Variants in IRF1 observed in about 807,000 individuals in gnomAD.
IRF1 encodes interferon regulatory factor 1, also known as interferon regulatory factor-1.
IRF1 carries 13 observed loss-of-function variants against 43.7 expected under a neutral mutation model. The observed-to-expected ratio is 0.30, with a 90% CI of 0.19 to 0.47. The LOEUF (loss-of-function observed/expected upper bound fraction) is 0.47. Among genes scored for constraint, IRF1 ranks in the 20% least tolerant of loss-of-function variants. IRF1 has a pLI of 0.99. For missense variants in IRF1, 236 were observed against 408.9 expected (o/e 0.58, Z 3.65); for synonymous variants, 138 against 146.8 (o/e 0.94, Z 0.43).
At chr5:132,485,828 G>GACACACAC (rs41498144) in intron 7 of IRF1, 112 bp from the exon 8 acceptor site, 55 of 555,752 alleles carry the variant, frequency 9.9e-5, no homozygotes, top group South Asian at 1.6e-4. Context: ...CTGTCTCTCT[G>GACACACAC]ACACACACAC....
intron 2 of IRF1, 184 bp downstream of exon 2, chr5:132,489,208 G>A: frequency 1.7e-6 from 1 of 571,996 alleles, no homozygotes; most frequent in East Asian, 3.0e-5. Flanking sequence ...AAGGGAAGAA[G>A]GCAGGAGTCA....
rs1754381002 is a variant in IRF1, at chr5:132,481,798, C to T, written c.*2153G>A. 6.6e-6 allele frequency: 1 copy of T among 152,348 alleles called. No homozygotes were observed. Among genetic ancestry groups the T allele is most frequent in the African/African-American group, 2.4e-5 (1 of 41,454 alleles). 9.4% of individuals were successfully genotyped at this position (152,348 alleles called of 1,614,324 possible). ...CTACCCAGCACAGCAGCCGTGAGGA[C>T]CTTTCTTGGGCTGCTGACTGTTCTG... On this transcript the variant is annotated 3_prime_UTR_variant, in exon 10 of 10. Transcript: ENST00000245414.
rs1428774167 is a variant in IRF1, at chr5:132,490,118, C to T, written c.-6+427G>A. On this transcript the variant is annotated intron_variant, in intron 1 of 9. Coordinates refer to ENST00000245414, the MANE Select transcript of IRF1 (RefSeq NM_002198.3). This position sits in a 1 kb window ranked among gnomAD's most constrained non-coding sequence, Gnocchi z 5.8. ...CCAGCCACCTGGGCAGTAAGCCAGC[C>T]CTTGCCACCAGCACAGGGAGCCCAA... 6.5e-6 allele frequency: 1 copy of T among 152,718 alleles called. No individual in the cohort carries two copies. Among genetic ancestry groups the T allele is most frequent in the Non-Finnish European group, 1.5e-5 (1 of 68,398 alleles). The allele number at this position is 152,718 out of a possible 1,614,324, so 9.5% of individuals were successfully genotyped here.
intron 3 of IRF1, chr5:132,487,387 C>T (rs1754563672): frequency 3.9e-6 from 2 of 516,458 alleles, no homozygotes; most frequent in Middle Eastern, 5.3e-4. Flanking sequence ...GTCCCCATAT[C>T]CCCAAAGTGT....
rs954828132 is a variant in IRF1 at position 132,483,132 on chromosome 5, C to T, written c.*819G>A. The T allele has an allele frequency of 4.3e-5, 5 of 116,542 alleles. No individual in the cohort carries two copies. The highest frequency in any genetic ancestry group is 1.4e-4 in the African/African-American group (5 of 36,676). The allele number at this position is 116,542 out of a possible 1,614,324, so 7.2% of individuals were successfully genotyped here. A position where few individuals can be genotyped will look rare whatever the true frequency, so the allele number is the denominator to read the frequency against. On this transcript the variant is annotated 3_prime_UTR_variant, in exon 10 of 10. Coordinates refer to ENST00000245414, the MANE Select transcript of IRF1 (RefSeq NM_002198.3). ...AAAGACAAATGTACATATTTACACA[C>T]GTCCTTATGTGTTCACACATGACTT...
In IRF1 at chr5:132,486,692, G is replaced by A. The variant is rs753609785; in HGVS notation, c.415-6C>T. On this transcript the variant is annotated splice_region_variant and splice_polypyrimidine_tract_variant and intron_variant, in intron 5 of 9. Transcript: ENST00000245414. ...GGGCTGGAATCCCCACATGACTGTC[G>A]AGGGAGAAAGCAGCTTAGGCCCAGG... is the stretch of plus-strand genomic sequence containing the variant. 1.2e-5 allele frequency: 20 copies of A among 1,613,704 alleles called. No homozygotes were observed. Among genetic ancestry groups the A allele is most frequent in the East Asian group, 4.5e-5 (2 of 44,888 alleles).
intron 8 of IRF1, chr5:132,484,807 AG>A (rs1277298928): frequency 7.4e-6 from 2 of 269,256 alleles, no homozygotes; most frequent in East Asian, 6.8e-5. Context: ...CTTAAAACAA[AG>A]GTTAGCATAA....
chr5:132,487,153 G>A (rs761771413), intron 3 of IRF1, 23 bp from the exon 4 acceptor site: 17 of 1,610,620 alleles, frequency 1.1e-5, no homozygotes, highest in Middle Eastern at 3.3e-4. Flanking sequence ...AGAAAAAAGA[G>A]GATCGTCAGG....
rs890498553 is a variant in IRF1 at position 132,490,324 on chromosome 5, A to C, written c.-6+221T>G. On this transcript the variant is annotated intron_variant, in intron 1 of 9. Coordinates refer to ENST00000245414, the MANE Select transcript of IRF1 (RefSeq NM_002198.3). The surrounding 1 kb of genome is among the most constrained non-coding windows in gnomAD (Gnocchi z 5.8). ...TCTGCGAAAGCTGCCGGGCGCCGGC[A>C]GCCTCGTCCGGGTGGGCGGTCCACG... 6.6e-6 allele frequency: 1 copy of C among 150,536 alleles called. No individual in the cohort carries two copies. The highest frequency in any genetic ancestry group is 2.0e-4 in the East Asian group (1 of 5,116). The allele number at this position is 150,536 out of a possible 1,614,324, so 9.3% of individuals were successfully genotyped here.
In IRF1 at chr5:132,490,476, C is replaced by A. The variant is rs890423747; in HGVS notation, c.-6+69G>T. On this transcript the variant is annotated intron_variant, in intron 1 of 9. Coordinates refer to ENST00000245414, the MANE Select transcript of IRF1 (RefSeq NM_002198.3). This position sits in a 1 kb window ranked among gnomAD's most constrained non-coding sequence, Gnocchi z 5.8. ...CTCCAGCCTGGAGCTTTCGACCCCC[C>A]ACTTCCTGGTGCCCCGCGCGCCTTT... The A allele has an allele frequency of 2.0e-5, 3 of 151,794 alleles. No homozygotes were observed. The highest frequency in any genetic ancestry group is 2.0e-4 in the East Asian group (1 of 5,128). The allele number at this position is 151,794 out of a possible 1,614,324, so 9.4% of individuals were successfully genotyped here.
chr5:132,488,313 C>T (rs909076615), intron 2 of IRF1: 8 of 320,204 alleles, frequency 2.5e-5, no homozygotes, highest in Non-Finnish European at 4.8e-5. Flanking sequence ...GGGCACCCTC[C>T]CCCAAAGCCC....
intron 2 of IRF1, chr5:132,489,175 T>G: frequency 4.0e-6 from 2 of 504,702 alleles, no homozygotes; most frequent in Non-Finnish European, 7.3e-6. Context: ...GGAAGTGCCT[T>G]CAGGTGGGTG....
In IRF1 at chr5:132,482,293, A is replaced by G. The variant is rs11958559; in HGVS notation, c.*1658T>C. ...TAGTGCAGTGGTGCAATCTCGGCTCACTGCAAGCTCTGCCTCCGGGGTTCA... is the reference window on the plus strand; with the variant it reads ...TAGTGCAGTGGTGCAATCTCGGCTCGCTGCAAGCTCTGCCTCCGGGGTTCA... On this transcript the variant is annotated 3_prime_UTR_variant, in exon 10 of 10. Coordinates refer to ENST00000245414, the MANE Select transcript of IRF1 (RefSeq NM_002198.3). 0.34 allele frequency: 49,374 copies of G among 145,790 alleles called. 8,123 individuals are homozygous for G. Among genetic ancestry groups the G allele is most frequent in the Middle Eastern group, 0.49 (138 of 280 alleles). The allele number at this position is 145,790 out of a possible 1,614,324, so 9.0% of individuals were successfully genotyped here. A position where few individuals can be genotyped will look rare whatever the true frequency, so the allele number is the denominator to read the frequency against.
intron 8 of IRF1, chr5:132,485,347 G>T (rs761984052): frequency 8.9e-5 from 29 of 326,834 alleles, no homozygotes; most frequent in African/African-American, 5.4e-4. Context: ...TGCATTTCCC[G>T]AACTAGCAGG....
At chr5:132,484,158 A>G (rs917219763) in intron 9 of IRF1, 83 bp from the exon 10 acceptor site, 87 of 1,555,334 alleles carry the variant, frequency 5.6e-5, no homozygotes, top group Non-Finnish European at 7.1e-5. Context: ...GGCCATAGAC[A>G]TGGCCTCTGC....
At chr5:132,487,719 A>G (rs986684745) in intron 3 of IRF1, 8 of 576,324 alleles carry the variant, frequency 1.4e-5, no homozygotes, top group Admixed American at 3.0e-5. Flanking sequence ...CACACTTTCT[A>G]AGATCTTGGC....
rs1754417618 is a variant in IRF1, at chr5:132,482,774, C to T, written c.*1177G>A. The T allele has an allele frequency of 6.7e-6, 1 of 150,046 alleles. No homozygotes were observed. Among genetic ancestry groups the T allele is most frequent in the African/African-American group, 2.5e-5 (1 of 40,632 alleles). The allele number at this position is 150,046 out of a possible 1,614,324, so 9.3% of individuals were successfully genotyped here. Reference sequence around the variant, plus strand: ...CAAGCGATTCTCTTGCCTCAGCCTCCTGAGTAGCTGGGATTACAAGCACCC... The same window carrying T: ...CAAGCGATTCTCTTGCCTCAGCCTCTTGAGTAGCTGGGATTACAAGCACCC... On this transcript the variant is annotated 3_prime_UTR_variant, in exon 10 of 10. Coordinates refer to ENST00000245414, the MANE Select transcript of IRF1 (RefSeq NM_002198.3).
chr5:132,489,798 C>A (rs565325425), intron 1 of IRF1, among the ~76,000 whole-genome samples: 21 of 152,334 alleles, frequency 1.4e-4, no homozygotes, highest in Non-Finnish European at 2.8e-4. Flanking sequence ...AATTTCAGAA[C>A]TTTTCGCTCA....
Position 132,489,533 on chromosome 5 carries a change from T to C in IRF1, c.-5-50A>G, listed in dbSNP as rs1353302938. 5.3e-6 allele frequency: 8 copies of C among 1,504,022 alleles called. No homozygotes were observed. In the African/African-American group the frequency reaches 9.6e-5, roughly 18 times the overall value. 93.2% of individuals were successfully genotyped at this position (1,504,022 alleles called of 1,614,324 possible). A position where few individuals can be genotyped will look rare whatever the true frequency, so the allele number is the denominator to read the frequency against. On this transcript the variant is annotated intron_variant, in intron 1 of 9. Transcript: ENST00000245414. Reference sequence around the variant, plus strand: ...AGTCTGGAATCTGTTGAACAGTACCTGGGCAGTGACCTGCCCCACCCGAGG... The same window carrying C: ...AGTCTGGAATCTGTTGAACAGTACCCGGGCAGTGACCTGCCCCACCCGAGG...
Sources: gnomAD v4.1 joint callset for allele counts (sites outside exome capture counted in the v4.1 genomes callset) on GRCh38, gnomAD v4.1.1 for gene constraint, Gnocchi (gnomAD v3.1) non-coding constraint, MANE v1.5 for transcripts, NCBI Gene and HGNC (gene_info 2026-07-23, HGNC 2026-07-21) for gene names.